Variants in VRK2 observed in about 807,000 individuals in gnomAD.
VRK2 encodes serine/threonine-protein kinase VRK2.
VRK2 carries 60 observed loss-of-function variants against 57.6 expected under a neutral mutation model. The ratio of observed to expected loss-of-function variants is 1.04; its 90% CI spans 0.85 to 1.29. VRK2 has a LOEUF of 1.29. Ranked by LOEUF, VRK2 falls within the 50% of genes most tolerant of loss-of-function variation. The pLI, the probability that VRK2 is intolerant of heterozygous loss-of-function variation, is 0.00. For synonymous variants in VRK2, 231 were observed against 199.2 expected (o/e 1.16, Z -1.35); for missense variants, 705 against 588.1 (o/e 1.20, Z -2.06).
At chr2:58,005,341 G>A (rs2103633625) in intron 1 of VRK2, among the ~76,000 whole-genome samples, 1 of 152,088 alleles carries the variant, frequency 6.6e-6, no homozygotes, top group African/African-American at 2.4e-5. Context: ...AGCTCATAAT[G>A]GAAAATTTCA....
At chr2:57,917,874 A>G (rs1410663315) in intron 1 of VRK2, among the ~76,000 whole-genome samples, 2 of 152,068 alleles carry the variant, frequency 1.3e-5, no homozygotes, top group African/African-American at 4.8e-5. Flanking sequence ...TACAAGTCAC[A>G]CATGAAAAAT....
chr2:57,991,433 T>C (rs879821780), intron 1 of VRK2, among the ~76,000 whole-genome samples: 1 of 151,766 alleles, frequency 6.6e-6, no homozygotes, highest in Admixed American at 6.6e-5. Flanking sequence ...CTGGATATAG[T>C]TACCCAGGGA....
chr2:58,118,725 A>T (rs1259841662), intron 7 of VRK2, among the ~76,000 whole-genome samples: 2 of 152,228 alleles, frequency 1.3e-5, no homozygotes, highest in African/African-American at 4.8e-5. Flanking sequence ...TGAAGAGACT[A>T]CCAAACAGGC....
At chr2:58,053,895 T>G (rs1372381139) in intron 2 of VRK2, among the ~76,000 whole-genome samples, 1 of 152,094 alleles carries the variant, frequency 6.6e-6, no homozygotes, top group Non-Finnish European at 1.5e-5. Context: ...GAGAATAATT[T>G]GGACTAGAAA....
At chr2:57,963,449 C>T (rs562610030) in intron 1 of VRK2, among the ~76,000 whole-genome samples, 1 of 152,062 alleles carries the variant, frequency 6.6e-6, no homozygotes, top group African/African-American at 2.4e-5. Context: ...CTTAAATGAC[C>T]TCATATTTTA....
chr2:58,077,783 T>C (rs2104065347), intron 2 of VRK2, among the ~76,000 whole-genome samples: 1 of 152,212 alleles, frequency 6.6e-6, no homozygotes, highest in Admixed American at 6.6e-5. Flanking sequence ...CTGTTGTTAG[T>C]GGGATAAGGC....
Position 58,086,346 on chromosome 2 carries a change from G to T in VRK2, c.264G>T (p.Lys88Asn). Residue 88 changes from lysine (K) to asparagine (N), a missense_variant, in exon 5 of 13, where the codon AAG becomes AAT. Coordinates refer to ENST00000340157, the MANE Select transcript of VRK2 (RefSeq NM_006296.7). ...QRVAKKDCIK[K>N]WIERKQLDYL... The stretch of plus-strand genomic sequence containing the variant: ...ATAAATTTGTCTTTGTAGTCAAAAA[G>T]TGGATAGAACGCAAACAACTTGATT... 6.2e-7 allele frequency: 1 copy of T among 1,602,100 alleles called. No individual in the cohort carries two copies. Among genetic ancestry groups the T allele is most frequent in the East Asian group, 2.3e-5 (1 of 44,122 alleles).
intron 7 of VRK2, among the ~76,000 whole-genome samples, chr2:58,117,618 G>T (rs966135449): frequency 7.9e-5 from 12 of 152,124 alleles, no homozygotes; most frequent in Admixed American, 7.2e-4. Flanking sequence ...GTAAAAGAAT[G>T]CCTGGACGTC....
At chr2:58,085,930 C>CTTTTTTTTTTTTTTTTTTTTTTTTTTT (rs59333442) in intron 4 of VRK2, among the ~76,000 whole-genome samples, 1 of 116,874 alleles carries the variant, frequency 8.6e-6, no homozygotes, top group African/African-American at 2.8e-5. Flanking sequence ...CTTTTTTTTT[C>CTTTTTTTTTTTTTTTTTTTTTTTTTTT]TTTTTTTTTT....
chr2:57,919,857 T>A (rs1172097442), intron 1 of VRK2, among the ~76,000 whole-genome samples: 2 of 152,034 alleles, frequency 1.3e-5, no homozygotes, highest in African/African-American at 2.4e-5. Context: ...GTAACAGAGA[T>A]CACATACCTC....
intron 5 of VRK2, among the ~76,000 whole-genome samples, chr2:58,086,922 A>T (rs1017250947): frequency 6.6e-5 from 10 of 152,278 alleles, no homozygotes; most frequent in East Asian, 3.9e-4. Flanking sequence ...CTTAAAAGGG[A>T]TATTATCGCT....
intron 1 of VRK2, among the ~76,000 whole-genome samples, chr2:57,982,355 C>T (rs940432682): frequency 1.1e-4 from 17 of 152,218 alleles, no homozygotes; most frequent in African/African-American, 3.9e-4. Context: ...AGTCCATGCA[C>T]ACACATGTGC....
chr2:58,010,608 C>T lies in VRK2; in HGVS notation c.-438-15057C>T, dbSNP rs568739401. Reference sequence around the variant, plus strand: ...GGAATATAGGTCTCCATTGGAAAATCGGGGTATGCAGGGAGTTTCCTATCT... The same window carrying T: ...GGAATATAGGTCTCCATTGGAAAATTGGGGTATGCAGGGAGTTTCCTATCT... On this transcript the variant is annotated intron_variant, in intron 1 of 15. Coordinates refer to the VRK2 transcript ENST00000417641. Among the ~76,000 whole-genome samples, 20 of 152,218 alleles carry T rather than the reference C, an allele frequency of 1.3e-4. No individual in the cohort carries two copies. The South Asian group carries it at 3.7e-3, about 28-fold the overall frequency.
chr2:58,112,400 C>A (rs754602017), intron 7 of VRK2, among the ~76,000 whole-genome samples: 1 of 152,134 alleles, frequency 6.6e-6, no homozygotes, highest in Non-Finnish European at 1.5e-5. Flanking sequence ...TATTTTCTAG[C>A]CTTCCCTCCC....
intron 1 of VRK2, among the ~76,000 whole-genome samples, chr2:58,005,601 C>G (rs1673217998): frequency 6.6e-6 from 1 of 151,386 alleles, no homozygotes; most frequent in South Asian, 2.1e-4. Flanking sequence ...CATAAAAATG[C>G]AAGAAGAAGA....
At chr2:57,911,747 T>C (rs1345280592) in intron 1 of VRK2, among the ~76,000 whole-genome samples, 3 of 152,232 alleles carry the variant, frequency 2.0e-5, no homozygotes, top group African/African-American at 7.2e-5. Flanking sequence ...GAACATTTAA[T>C]TACCGACAAA....
At chr2:58,044,941 A>G (rs755629920), upstream of VRK2, among the ~76,000 whole-genome samples, 3 of 152,150 alleles carry the variant, frequency 2.0e-5, no homozygotes, top group Non-Finnish European at 2.9e-5. Flanking sequence ...ATACTGCTAA[A>G]TATCCTACAA....
intron 2 of VRK2, among the ~76,000 whole-genome samples, chr2:58,070,743 G>A (rs560111300): frequency 2.0e-5 from 3 of 152,182 alleles, no homozygotes; most frequent in East Asian, 3.9e-4. Flanking sequence ...TCCAGTTTTT[G>A]TCAGTTGTGA....
intron 1 of VRK2, among the ~76,000 whole-genome samples, chr2:57,977,554 T>A (rs1672290073): frequency 6.9e-6 from 1 of 145,138 alleles, no homozygotes; most frequent in African/African-American, 2.9e-5. Context: ...GCTACCGATT[T>A]TTGTACATTA....
Sources: gnomAD v4.1 joint callset for allele counts (sites outside exome capture counted in the v4.1 genomes callset) on GRCh38, gnomAD v4.1.1 for gene constraint, MANE v1.5 for transcripts, NCBI Gene and HGNC (gene_info 2026-07-23, HGNC 2026-07-21) for gene names.